Variants in ZNF407 observed in about 807,000 individuals in gnomAD.
The protein encoded by ZNF407 is zinc finger protein 407.
In ZNF407, 17 loss-of-function variants were observed where a neutral mutation model predicts 131.2. That is an observed-to-expected ratio of 0.13 (90% CI 0.09 to 0.19). ZNF407 has a LOEUF of 0.19. Among genes scored for constraint, ZNF407 ranks in the 10% least tolerant of loss-of-function variants. The pLI is 1.00. For synonymous variants in ZNF407, 1,156 were observed against 1,062.0 expected (o/e 1.09, Z -1.72); for missense variants, 2,681 against 2,830.6 (o/e 0.95, Z 1.20).
chr18:74,804,137 G>T, intron 4 of ZNF407: 4 of 1,487,454 alleles, frequency 2.7e-6, no homozygotes, highest in South Asian at 1.4e-5. Flanking sequence ...ATATTTCATT[G>T]TCTTTTTTTT....
At chr18:74,760,887 C>T (rs1969080072) in intron 3 of ZNF407, among the ~76,000 whole-genome samples, 1 of 152,094 alleles carries the variant, frequency 6.6e-6, no homozygotes, top group Non-Finnish European at 1.5e-5. Flanking sequence ...AGTTGGTTTT[C>T]TTGAATAGTC....
At chr18:74,976,560 C>G (rs1008668619) in intron 8 of ZNF407, among the ~76,000 whole-genome samples, 1 of 152,154 alleles carries the variant, frequency 6.6e-6, no homozygotes, top group South Asian at 2.1e-4. Flanking sequence ...ACTAAATAAA[C>G]AATGAGAAAA....
intron 3 of ZNF407, among the ~76,000 whole-genome samples, chr18:74,722,950 T>C (rs1968073700): frequency 6.6e-6 from 1 of 152,160 alleles, no homozygotes; most frequent in African/African-American, 2.4e-5. Context: ...GTTGACTATG[T>C]GTTAGACCTC....
chr18:75,042,734 G>T (rs1973387855), intron 8 of ZNF407, among the ~76,000 whole-genome samples: 1 of 152,242 alleles, frequency 6.6e-6, no homozygotes, highest in Non-Finnish European at 1.5e-5. Flanking sequence ...CCACTCTTCA[G>T]TAAATCTCTT....
intron 2 of ZNF407, among the ~76,000 whole-genome samples, chr18:74,636,189 A>G (rs1277484611): frequency 2.0e-5 from 3 of 152,320 alleles, no homozygotes; most frequent in East Asian, 1.9e-4. Flanking sequence ...ACAAGATTCT[A>G]CCTTTGTGGA....
At chr18:74,735,980 A>G (rs1223396765) in intron 3 of ZNF407, among the ~76,000 whole-genome samples, 1 of 152,184 alleles carries the variant, frequency 6.6e-6, no homozygotes, top group Non-Finnish European at 1.5e-5. Flanking sequence ...TGTATTGGCA[A>G]ACTCTATGTA....
chr18:74,722,883 T>A (rs1339598722), intron 3 of ZNF407, among the ~76,000 whole-genome samples: 5 of 152,210 alleles, frequency 3.3e-5, no homozygotes, highest in Non-Finnish European at 5.9e-5. Flanking sequence ...TCCCAAAGTT[T>A]CTTTTGTCAC....
intron 4 of ZNF407, among the ~76,000 whole-genome samples, chr18:74,870,711 G>A (rs912650425): frequency 4.6e-5 from 7 of 152,116 alleles, no homozygotes; most frequent in Non-Finnish European, 1.0e-4. Context: ...AGAAGGAAAT[G>A]GTCAAAGATG....
At chr18:74,826,310 C>T (rs78958845) in intron 4 of ZNF407, among the ~76,000 whole-genome samples, 2,074 of 152,206 alleles carry the variant, frequency 0.014, 26 homozygotes, top group Non-Finnish European at 0.019. Context: ...AACACCATGT[C>T]GTTAGCCTGT....
intron 4 of ZNF407, among the ~76,000 whole-genome samples, chr18:74,799,725 T>G (rs2145066868): frequency 6.6e-6 from 1 of 152,144 alleles, no homozygotes; most frequent in African/African-American, 2.4e-5. Context: ...CTGCAAACTG[T>G]AATGATTTGC....
intron 8 of ZNF407, among the ~76,000 whole-genome samples, chr18:75,009,219 G>T (rs1227563033): frequency 6.6e-6 from 1 of 152,070 alleles, no homozygotes; most frequent in Admixed American, 6.5e-5. Context: ...TCAGTATTTT[G>T]TAGCAATTGT....
At chr18:74,696,833 G>T (rs1008002827) in intron 3 of ZNF407, among the ~76,000 whole-genome samples, 4 of 152,152 alleles carry the variant, frequency 2.6e-5, no homozygotes, top group African/African-American at 7.2e-5. Context: ...CTGCAAGGTA[G>T]TTTGGAGGCA....
chr18:74,690,879 A>C lies in ZNF407; in HGVS notation c.4802+49757A>C, dbSNP rs537393896. On this transcript the variant is annotated intron_variant, in intron 3 of 8. Transcript: ENST00000299687. ...GTCATACCTTGAGAAGGAATCTCAT[A>C]ATTAAAAATTATATTTTTAGTTGTT... Among the ~76,000 whole-genome samples, 400 of 152,332 alleles carry C rather than the reference A, an allele frequency of 2.6e-3. 1 individual carries two copies. Among genetic ancestry groups the C allele is most frequent in the African/African-American group, 9.3e-3 (388 of 41,572 alleles).
chr18:74,929,669 C>T (rs1160404505), intron 8 of ZNF407, among the ~76,000 whole-genome samples: 1 of 152,194 alleles, frequency 6.6e-6, no homozygotes, highest in African/African-American at 2.4e-5. Flanking sequence ...GTTGCCCACT[C>T]GTGTTGCTAC....
intron 3 of ZNF407, among the ~76,000 whole-genome samples, chr18:74,697,285 A>G (rs1036010165): frequency 2.6e-5 from 4 of 152,194 alleles, no homozygotes; most frequent in African/African-American, 9.6e-5. Flanking sequence ...TGAGGAGAAT[A>G]TATATCCTTT....
chr18:74,813,587 C>T (rs955293334), intron 4 of ZNF407, among the ~76,000 whole-genome samples: 6 of 152,128 alleles, frequency 3.9e-5, no homozygotes, highest in Non-Finnish European at 7.4e-5. Flanking sequence ...TATTTCTGCT[C>T]ATTTTCTCTT....
rs759330073 is a variant in ZNF407 at position 75,063,375 on chromosome 18, C to T, written c.5654C>T (p.Thr1885Met). Residue 1885 changes from threonine to methionine, a missense_variant, in exon 9 of 9, where the codon ACG (threonine) becomes ATG (methionine). Around this residue, in one of 6 missense-constraint regions of ZNF407, gnomAD observed 620 missense variants for 583.1 expected, o/e 1.06. Coordinates refer to ENST00000299687, the MANE Select transcript of ZNF407 (RefSeq NM_017757.3). This position sits in a 1 kb window ranked among gnomAD's most constrained non-coding sequence, Gnocchi z 6.6. Reference sequence around the variant, plus strand: ...GCCCTGGACCCCTCGGTGGAGGAGACGGCCGCCGCCACGCTGCAGACGCTG... The same window carrying T: ...GCCCTGGACCCCTCGGTGGAGGAGATGGCCGCCGCCACGCTGCAGACGCTG... The part of the protein sequence containing the change: ...EFALDPSVEE[T>M]AAATLQTLAM... The T allele has an allele frequency of 3.7e-6, 6 of 1,610,464 alleles. No individual in the cohort carries two copies. The highest frequency in any genetic ancestry group is 2.2e-5 in the East Asian group (1 of 44,804).
intron 3 of ZNF407, among the ~76,000 whole-genome samples, chr18:74,650,052 T>G (rs1395215252): frequency 1.3e-5 from 2 of 152,224 alleles, no homozygotes; most frequent in African/African-American, 4.8e-5. Flanking sequence ...TTTTCTCTTT[T>G]CCTTAAGATG....
intron 8 of ZNF407, among the ~76,000 whole-genome samples, chr18:74,966,580 T>C (rs1347049794): frequency 1.3e-5 from 2 of 152,222 alleles, no homozygotes; most frequent in Non-Finnish European, 2.9e-5. Context: ...TGTAGTGTAA[T>C]TTGAAGTCAG....
Sources: allele counts gnomAD v4.1 joint callset (sites outside exome capture counted in the v4.1 genomes callset), GRCh38; gene constraint gnomAD v4.1.1; regional missense constraint gnomAD v4.1.1; non-coding constraint Gnocchi (gnomAD v3.1); transcripts MANE v1.5; gene names NCBI Gene and HGNC (gene_info 2026-07-23, HGNC 2026-07-21).